The following MCFD2 variants were observed in gnomAD, a reference collection of about 807,000 sequenced individuals.
The protein encoded by MCFD2 is multiple coagulation factor deficiency protein 2.
In MCFD2, 11 loss-of-function variants were observed where a neutral mutation model predicts 12.8. That is an observed-to-expected ratio of 0.86 (90% CI 0.54 to 1.42). The LOEUF is 1.42. Among genes scored for constraint, MCFD2 ranks in the 40% most tolerant of loss-of-function variants. The pLI, the probability that MCFD2 is intolerant of heterozygous loss-of-function variation, is 0.00. For synonymous variants in MCFD2, 70 were observed against 68.1 expected, an observed-to-expected ratio of 1.03 and a Z score of -0.14; for missense variants, 191 against 178.6, an observed-to-expected ratio of 1.07 and a Z score of -0.40.
At chr2:46,915,582 C>G (rs1285320946) in intron 1 of MCFD2, 141 bp downstream of exon 1, 2 of 180,048 alleles carry the variant, frequency 1.1e-5, no homozygotes, top group Non-Finnish European at 2.1e-5. Flanking sequence ...TGCTCCTAGC[C>G]GGTTAAGCGT....
chr2:46,928,043 C>T (rs1266015966), intron 1 of MCFD2, among the ~76,000 whole-genome samples: 1 of 151,522 alleles, frequency 6.6e-6, no homozygotes, highest in Non-Finnish European at 1.5e-5. Flanking sequence ...TGGCATACAC[C>T]ACCACGCCCA....
upstream of MCFD2, chr2:46,915,929 A>C: frequency 2.0e-6 from 2 of 984,916 alleles, no homozygotes; most frequent in Non-Finnish European, 2.4e-6. Flanking sequence ...GCGTGAGTCC[A>C]CGTGTAATCG....
rs181623161 is a variant in MCFD2 at position 46,909,280 on chromosome 2, G to A, written c.-6-103C>T. ...CCTGGGAAACCTGATGAAGCAGTAA[G>A]GTTAGGAAGAGAGCTTGTCAAACAC... On this transcript the variant is annotated intron_variant, in intron 1 of 3. Coordinates refer to ENST00000319466, the MANE Select transcript of MCFD2 (RefSeq NM_139279.6). 5.1e-5 allele frequency: 69 copies of A among 1,361,028 alleles called. No individual in the cohort carries two copies. In the African/African-American group the frequency reaches 9.1e-4, roughly 18 times the overall value. The allele number at this position is 1,361,028 out of a possible 1,614,324, so 84.3% of individuals were successfully genotyped here.
Position 46,908,240 on chromosome 2 carries a change from A to G in MCFD2, c.150-271T>C, listed in dbSNP as rs1171770789. ...TTTGTTATAACATTTTCAGGCCATC[A>G]ATTTAAAAATATGTCCTTTAAAACT... On this transcript the variant is annotated intron_variant, in intron 2 of 3. Transcript: ENST00000319466. The surrounding 1 kb of genome is among the most constrained non-coding windows in gnomAD (Gnocchi z 4.5). 1 of 498,990 alleles carries G rather than the reference A, an allele frequency of 2.0e-6. No individual in the cohort carries two copies. Among genetic ancestry groups the G allele is most frequent in the Non-Finnish European group, 3.6e-6 (1 of 276,810 alleles). The allele number at this position is 498,990 out of a possible 1,614,324, so 30.9% of individuals were successfully genotyped here. A position where few individuals can be genotyped will look rare whatever the true frequency, so the allele number is the denominator to read the frequency against.
intron 1 of MCFD2, among the ~76,000 whole-genome samples, chr2:46,923,832 A>G (rs978870726): frequency 3.9e-5 from 6 of 152,068 alleles, no homozygotes; most frequent in African/African-American, 1.2e-4. Flanking sequence ...TCCCAGGTTC[A>G]AGCAAATCTC....
At position 46,941,596 on chromosome 2, in the gene MCFD2, C is replaced by G. The variant is rs1447267276; in HGVS notation, c.-32G>C. 6.4e-7 allele frequency: 1 copy of G among 1,556,962 alleles called. No individual in the cohort carries two copies. Among genetic ancestry groups the G allele is most frequent in the Non-Finnish European group, 8.7e-7 (1 of 1,151,038 alleles). ...CCTGAAGGTGGAGAGCGAGCTGGAG[C>G]GCTGCCGCGCCGAGGGCCACTGGGA... On this transcript the variant is annotated 5_prime_UTR_variant, in exon 1 of 3. Transcript: ENST00000409147. The surrounding 1 kb of genome is among the most constrained non-coding windows in gnomAD (Gnocchi z 4.2).
Position 46,940,096 on chromosome 2 carries a change from C to T in MCFD2, c.-8+1476G>A, listed in dbSNP as rs1050268146. 2.0e-5 allele frequency among the ~76,000 whole-genome samples: 3 copies of T among 152,118 alleles called. No individual in the cohort carries two copies. The highest frequency in any genetic ancestry group is 4.4e-5 in the Non-Finnish European group (3 of 68,020). On this transcript the variant is annotated intron_variant, in intron 1 of 2. Transcript: ENST00000409147. This position sits in a 1 kb window ranked among gnomAD's most constrained non-coding sequence, Gnocchi z 4.7. The stretch of plus-strand genomic sequence containing the variant: ...GGAAGACTGTCTTCAACTAATCACC[C>T]TGTGTGGCTTCATGTGAAAGGCCAC...
At chr2:46,913,933 C>T (rs542217485) in intron 1 of MCFD2, 1 of 152,502 alleles carries the variant, frequency 6.6e-6, no homozygotes, top group South Asian at 2.1e-4. Context: ...CAATTGCTCT[C>T]TCATCCGACC....
In MCFD2 at chr2:46,941,786, A is replaced by C. The variant is rs945672919; in HGVS notation, c.-222T>G. ...GCGCGCGAAACGCACCGCCTCCTCCAGGAAGCGCGCCCAGACAGTCCTCGG... is the reference window on the plus strand; with the variant it reads ...GCGCGCGAAACGCACCGCCTCCTCCCGGAAGCGCGCCCAGACAGTCCTCGG... On this transcript the variant is annotated 5_prime_UTR_variant, in exon 1 of 3. Coordinates refer to the MCFD2 transcript ENST00000409147. The surrounding 1 kb of genome is among the most constrained non-coding windows in gnomAD (Gnocchi z 4.2). The C allele has an allele frequency of 3.2e-6, 5 of 1,542,904 alleles. No homozygotes were observed. The highest frequency in any genetic ancestry group is 3.5e-6 in the Non-Finnish European group (4 of 1,142,948).
At chr2:46,916,109 A>C, upstream of MCFD2, 1 of 985,536 alleles carries the variant, frequency 1.0e-6, no homozygotes, top group African/African-American at 1.7e-5. Context: ...AGGATGGCGG[A>C]TCCGGATGGG....
At chr2:46,916,073 C>T (rs1668770589), upstream of MCFD2, 2 of 985,382 alleles carry the variant, frequency 2.0e-6, no homozygotes, top group South Asian at 4.7e-5. Flanking sequence ...CGGAAGCCCT[C>T]AGGAACGTAG....
chr2:46,916,070 C>T (rs1298116310), upstream of MCFD2: 1 of 985,386 alleles, frequency 1.0e-6, no homozygotes, highest in Non-Finnish European at 1.2e-6. Flanking sequence ...CGCCGGAAGC[C>T]CTCAGGAACG....
intron 1 of MCFD2, 62 bp from the exon 2 acceptor site, chr2:46,909,239 C>A: frequency 1.3e-6 from 2 of 1,548,750 alleles, no homozygotes; most frequent in Non-Finnish European, 1.8e-6. Flanking sequence ...TCGTTCAGGG[C>A]TTGACATGGT....
At position 46,941,717 on chromosome 2, in the gene MCFD2, C is replaced by T; in HGVS notation, c.-153G>A. 1 of 1,550,222 alleles carries T rather than the reference C, an allele frequency of 6.5e-7. No individual in the cohort carries two copies. The highest frequency in any genetic ancestry group is 2.4e-5 in the East Asian group (1 of 40,990). On this transcript the variant is annotated 5_prime_UTR_variant, in exon 1 of 3. Coordinates refer to the MCFD2 transcript ENST00000409147. This position sits in a 1 kb window ranked among gnomAD's most constrained non-coding sequence, Gnocchi z 4.2. The stretch of plus-strand genomic sequence containing the variant: ...AGCCCGAGCGCAGCGTTCACCTTTC[C>T]GGACACCGGTGAGTAAGGGAAGAGG...
In MCFD2 at chr2:46,915,780, T is replaced by A; in HGVS notation, c.-64A>T. 1 of 881,308 alleles carries A rather than the reference T, an allele frequency of 1.1e-6. No individual in the cohort carries two copies. Among genetic ancestry groups the A allele is most frequent in the Non-Finnish European group, 1.3e-6 (1 of 758,858 alleles). 54.6% of individuals were successfully genotyped at this position (881,308 alleles called of 1,614,324 possible). A position where few individuals can be genotyped will look rare whatever the true frequency, so the allele number is the denominator to read the frequency against. ...CCAACGTGAGCCTCACCAGCCCCCG[T>A]CCCCAAAACGCTCTTCCTCGGCTTC... is the stretch of plus-strand genomic sequence containing the variant. On this transcript the variant is annotated 5_prime_UTR_variant, in exon 1 of 4. Transcript: ENST00000319466.
chr2:46,922,230 G>T (rs916151746), intron 1 of MCFD2, among the ~76,000 whole-genome samples: 7 of 152,116 alleles, frequency 4.6e-5, no homozygotes, highest in African/African-American at 1.7e-4. Flanking sequence ...CTATAATGTT[G>T]CATTAGGCCT....
rs1161003607 is a variant in MCFD2 at position 46,934,787 on chromosome 2, C to CTTTTTTTTTTTTTT, written c.-8+6771_-8+6784dup. On this transcript the variant is annotated intron_variant, in intron 1 of 2. Transcript: ENST00000409147. Reference sequence around the variant, plus strand: ...GGAATAAGGTATGAAGACTACTGCTCTTTTTTTTTTTTTTTTTTTTTTTTT... The same window carrying CTTTTTTTTTTTTTT: ...GGAATAAGGTATGAAGACTACTGCTCTTTTTTTTTTTTTTTTTTTTTTTTTTTTTTTTTTTTTTT... 1.5e-4 allele frequency among the ~76,000 whole-genome samples: 10 copies of CTTTTTTTTTTTTTT among 66,916 alleles called. 2 individuals are homozygous for CTTTTTTTTTTTTTT. The highest frequency in any genetic ancestry group is 2.4e-4 in the Non-Finnish European group (9 of 37,308). The allele number at this position is 66,916 out of a possible 152,430, so 43.9% of individuals were successfully genotyped here.
At chr2:46,914,478 C>T (rs1424281235) in intron 1 of MCFD2, among the ~76,000 whole-genome samples, 1 of 152,208 alleles carries the variant, frequency 6.6e-6, no homozygotes, top group Non-Finnish European at 1.5e-5. Flanking sequence ...AAAGAAACCT[C>T]TACACGGACT....
rs1670359608 is a variant in MCFD2 at position 46,941,412 on chromosome 2, TGC to T, written c.-8+158_-8+159del. On this transcript the variant is annotated intron_variant, in intron 1 of 2. Transcript: ENST00000409147. The surrounding 1 kb of genome is among the most constrained non-coding windows in gnomAD (Gnocchi z 4.2). ...CACCCTCCGCCGCCCGGGCCCCCGC[TGC>T]CGCCCGGGCCCCGGCTGCCGTCTGC... is the stretch of plus-strand genomic sequence containing the variant. 2.3e-6 allele frequency: 2 copies of T among 873,842 alleles called. No individual in the cohort carries two copies. The highest frequency in any genetic ancestry group is 2.9e-6 in the Non-Finnish European group (2 of 684,122). 54.1% of individuals were successfully genotyped at this position (873,842 alleles called of 1,614,324 possible). A position where few individuals can be genotyped will look rare whatever the true frequency, so the allele number is the denominator to read the frequency against.
Sources: allele counts gnomAD v4.1 joint callset (sites outside exome capture counted in the v4.1 genomes callset), GRCh38; gene constraint gnomAD v4.1.1; non-coding constraint Gnocchi (gnomAD v3.1); transcripts MANE v1.5; gene names NCBI Gene and HGNC (gene_info 2026-07-23, HGNC 2026-07-21).